The following DCAF8 variants were observed in gnomAD, a reference collection of about 807,000 sequenced individuals.
The protein encoded by DCAF8 is DDB1- and CUL4-associated factor 8.
DCAF8 carries 20 observed loss-of-function variants against 68.0 expected under a neutral mutation model. That is an observed-to-expected ratio of 0.29 (90% CI 0.21 to 0.43). The LOEUF (loss-of-function observed/expected upper bound fraction) is 0.43, where lower values mean the gene tolerates loss of function less well. DCAF8 is among the 20% of genes least tolerant of loss of function. The pLI is 1.00. For missense variants in DCAF8, 460 were observed against 771.0 expected, an observed-to-expected ratio of 0.60 and a Z score of 4.78; for synonymous variants, 230 against 276.9, an observed-to-expected ratio of 0.83 and a Z score of 1.68.
At chr1:160,253,917 G>C (rs780578446) in intron 2 of DCAF8, among the ~76,000 whole-genome samples, 6 of 152,178 alleles carry the variant, frequency 3.9e-5, no homozygotes, top group African/African-American at 1.4e-4. Flanking sequence ...AAGGCTGTAA[G>C]AGTCAGAACA....
intron 2 of DCAF8, among the ~76,000 whole-genome samples, chr1:160,244,268 T>C (rs1454228769): frequency 6.6e-6 from 1 of 152,228 alleles, no homozygotes; most frequent in Non-Finnish European, 1.5e-5. Context: ...TGCCATCTCT[T>C]TACTTCACTC....
At position 160,240,138 on chromosome 1, in the gene DCAF8, T is replaced by A. The variant is rs759900122; in HGVS notation, c.282A>T (p.Arg94=). 1 of 1,613,918 alleles carries A rather than the reference T, an allele frequency of 6.2e-7. No individual in the cohort carries two copies. Among genetic ancestry groups the A allele is most frequent in the Admixed American group, 1.7e-5 (1 of 59,948 alleles). The change falls in exon 4 of 14, where the codon CGA becomes CGT. Residue 94 remains arginine, a synonymous_variant. Transcript: ENST00000368074. ...CCTCTTCCTCTGAGCGGTCATGGACTCGATTTTCATCATTAATGGAGTAAT... is the reference window on the plus strand; with the variant it reads ...CCTCTTCCTCTGAGCGGTCATGGACACGATTTTCATCATTAATGGAGTAAT... The part of the protein sequence containing the change: ...TGHYSINDEN[R]VHDRSEEEEE...
At chr1:160,234,615 T>C (rs1655806596) in intron 6 of DCAF8, among the ~76,000 whole-genome samples, 1 of 152,260 alleles carries the variant, frequency 6.6e-6, no homozygotes, top group Non-Finnish European at 1.5e-5. Context: ...GATCTCACTC[T>C]GTTTCACAAC....
chr1:160,231,147 C>T (rs980356039), intron 7 of DCAF8, 150 bp downstream of exon 7: 11 of 619,554 alleles, frequency 1.8e-5, no homozygotes, highest in African/African-American at 3.7e-5. Flanking sequence ...TCTCCAAAGG[C>T]GTGTAAGATT....
chr1:160,221,707 A>G (rs984162335), intron 11 of DCAF8, among the ~76,000 whole-genome samples: 1 of 150,938 alleles, frequency 6.6e-6, no homozygotes, highest in African/African-American at 2.4e-5. Context: ...TAACCAGACT[A>G]TTCTGGGCAA....
intron 6 of DCAF8, among the ~76,000 whole-genome samples, chr1:160,232,055 G>A (rs1307269259): frequency 6.6e-6 from 1 of 152,034 alleles, no homozygotes; most frequent in Non-Finnish European, 1.5e-5. Flanking sequence ...GCCAGGCGTG[G>A]TGGCGCATGC....
At chr1:160,251,667 C>T (rs74816858) in intron 2 of DCAF8, among the ~76,000 whole-genome samples, 3,919 of 152,104 alleles carry the variant, frequency 0.026, 63 homozygotes, top group East Asian at 0.091. Context: ...TGGTGGGGAA[C>T]ATGTTGCCCA....
chr1:160,238,446 G>A (rs1343165199), intron 5 of DCAF8, among the ~76,000 whole-genome samples, 161 bp downstream of exon 5: 3 of 152,194 alleles, frequency 2.0e-5, no homozygotes, highest in Admixed American at 2.0e-4. Flanking sequence ...AGTTTAGGGT[G>A]GCTGCTTTTG....
intron 2 of DCAF8, among the ~76,000 whole-genome samples, chr1:160,254,817 T>A (rs1656764981): frequency 6.6e-6 from 1 of 152,066 alleles, no homozygotes; most frequent in African/African-American, 2.4e-5. Flanking sequence ...AAAGTCCTAT[T>A]TTTAAAGACA....
chr1:160,259,284 T>A (rs749242987), intron 2 of DCAF8, among the ~76,000 whole-genome samples: 3 of 152,098 alleles, frequency 2.0e-5, no homozygotes, highest in African/African-American at 4.8e-5. Context: ...CCTGTAATCC[T>A]AGCACTTTGG....
intron 6 of DCAF8, among the ~76,000 whole-genome samples, chr1:160,235,895 T>C (rs940748722): frequency 1.3e-5 from 2 of 152,156 alleles, no homozygotes; most frequent in African/African-American, 4.8e-5. Context: ...CATGCCAACA[T>C]GTCCAGCTAA....
At chr1:160,244,784 T>C (rs1430751774) in intron 2 of DCAF8, among the ~76,000 whole-genome samples, 2 of 151,950 alleles carry the variant, frequency 1.3e-5, no homozygotes, top group African/African-American at 2.4e-5. Context: ...TGCCCACCTT[T>C]CTGTATTTTT....
intron 2 of DCAF8, among the ~76,000 whole-genome samples, chr1:160,259,165 G>C (rs1284848590): frequency 6.6e-6 from 1 of 152,168 alleles, no homozygotes; most frequent in Non-Finnish European, 1.5e-5. Context: ...AGATACGAAA[G>C]AAAAGCCAAC....
intron 6 of DCAF8, among the ~76,000 whole-genome samples, chr1:160,234,029 A>T (rs1240388178): frequency 2.6e-5 from 4 of 152,192 alleles, no homozygotes; most frequent in Non-Finnish European, 5.9e-5. Context: ...AGAATACCTC[A>T]AACTGGCTTC....
intron 2 of DCAF8, among the ~76,000 whole-genome samples, chr1:160,258,082 C>T (rs924078686): frequency 3.3e-5 from 5 of 152,186 alleles, no homozygotes; most frequent in Non-Finnish European, 7.3e-5. Flanking sequence ...TGCAGTGGCT[C>T]ACGCCTGTAA....
intron 10 of DCAF8, among the ~76,000 whole-genome samples, chr1:160,223,197 G>A (rs1165286902): frequency 6.6e-6 from 1 of 152,166 alleles, no homozygotes; most frequent in Non-Finnish European, 1.5e-5. Context: ...GACTGATGAA[G>A]GTATATGCCA....
At chr1:160,262,292 G>C (rs1204068906) in intron 1 of DCAF8, 157 bp downstream of exon 1, 2 of 398,718 alleles carry the variant, frequency 5.0e-6, no homozygotes, top group East Asian at 3.6e-5. Context: ...GGTCAAGGGA[G>C]GGGGGGTGTC....
Position 160,218,935 on chromosome 1 carries a change from C to G in DCAF8, c.1474G>C (p.Val492Leu). Residue 492 changes from valine (V) to leucine (L), a missense_variant, in exon 12 of 14, where the codon GTG becomes CTG. Physicochemically the swap from Val to Leu is conservative, Grantham distance 32. Coordinates refer to ENST00000368074, the MANE Select transcript of DCAF8 (RefSeq NM_015726.4). ...TGGTCTAGGCCACTGGTTGCCAGCA[C>G]AGGCAGGTGAGGGTGGGGCTCAAGA... ...NCLEPHPHLPVLATSGLDHDV... is the reference protein window; with the variant it reads ...NCLEPHPHLPLLATSGLDHDV... The G allele has an allele frequency of 1.2e-6, 2 of 1,614,254 alleles. No homozygotes were observed. Among genetic ancestry groups the G allele is most frequent in the Non-Finnish European group, 1.7e-6 (2 of 1,180,048 alleles).
chr1:160,232,640 CAA>C (rs768709547), intron 6 of DCAF8, among the ~76,000 whole-genome samples: 17 of 120,678 alleles, frequency 1.4e-4, no homozygotes, highest in African/African-American at 1.5e-4. Context: ...GACTCTGTCT[CAA>C]AAAAAAAAAA....
Sources: gnomAD v4.1 joint callset for allele counts (sites outside exome capture counted in the v4.1 genomes callset) on GRCh38, gnomAD v4.1.1 for gene constraint, MANE v1.5 for transcripts, NCBI Gene and HGNC (gene_info 2026-07-23, HGNC 2026-07-21) for gene names.